NRDE2: variants seen among roughly 807,000 people sequenced by gnomAD.
NRDE2 encodes the protein nuclear exosome regulator NRDE2.
NRDE2 carries 76 observed loss-of-function variants against 124.2 expected under a neutral mutation model. That is an observed-to-expected ratio of 0.61 (90% CI 0.51 to 0.74). The LOEUF is 0.74. Ranked by LOEUF, NRDE2 falls within the 30% of genes least tolerant of loss-of-function variation. NRDE2 has a pLI of 0.00. For missense variants in NRDE2, 1,314 were observed against 1,417.3 expected (o/e 0.93, Z 1.17); for synonymous variants, 489 against 528.1 (o/e 0.93, Z 1.01).
At chr14:90,325,753 C>T (rs1885404940) in intron 1 of NRDE2, among the ~76,000 whole-genome samples, 1 of 152,140 alleles carries the variant, frequency 6.6e-6, no homozygotes, top group Non-Finnish European at 1.5e-5. Context: ...TCTCAAACTC[C>T]TAAGCTCATG....
At chr14:90,283,824 G>A (rs1892022988) in intron 12 of NRDE2, among the ~76,000 whole-genome samples, 1 of 150,892 alleles carries the variant, frequency 6.6e-6, no homozygotes, top group Non-Finnish European at 1.5e-5. Flanking sequence ...CGATTCTTCT[G>A]CCTCAGCCTC....
intron 1 of NRDE2, among the ~76,000 whole-genome samples, chr14:90,320,599 T>G (rs1283784900): frequency 6.6e-6 from 1 of 152,240 alleles, no homozygotes; most frequent in Non-Finnish European, 1.5e-5. Context: ...CAACAGGTAC[T>G]GTTTTAATCA....
chr14:90,327,260 T>C (rs530245177), intron 1 of NRDE2, among the ~76,000 whole-genome samples: 6 of 152,336 alleles, frequency 3.9e-5, no homozygotes, highest in South Asian at 2.1e-4. Context: ...ATAAAGATGA[T>C]TGGGTCAGGC....
chr14:90,307,011 ACTAACAG>A (rs1230998091), intron 4 of NRDE2, among the ~76,000 whole-genome samples: 1 of 152,196 alleles, frequency 6.6e-6, no homozygotes, highest in Non-Finnish European at 1.5e-5. Context: ...CTGACTTTAA[ACTAACAG>A]CTGCATTTTT....
rs2096689562 is a variant in NRDE2 at position 90,271,333 on chromosome 14, A to C, written c.*7003T>G. 6.6e-6 allele frequency: 1 copy of C among 152,106 alleles called. No individual in the cohort carries two copies. Among genetic ancestry groups the C allele is most frequent in the African/African-American group, 2.4e-5 (1 of 41,396 alleles). The allele number at this position is 152,106 out of a possible 1,614,324, so 9.4% of individuals were successfully genotyped here. On this transcript the variant is annotated 3_prime_UTR_variant, in exon 14 of 14. Coordinates refer to ENST00000354366, the MANE Select transcript of NRDE2 (RefSeq NM_017970.4). ...AGAAAACAATAACAGTAACCCACAT[A>C]ATATGTTTGTTTGCTGTCCTTCTCT...
At position 90,316,648 on chromosome 14, in the gene NRDE2, C is replaced by G. The variant is rs754783643; in HGVS notation, c.337G>C (p.Asp113His). 2 of 1,614,200 alleles carry G rather than the reference C, an allele frequency of 1.2e-6. No homozygotes were observed. Among genetic ancestry groups the G allele is most frequent in the East Asian group, 2.2e-5 (1 of 44,888 alleles). The change falls in exon 3 of 14, where the codon GAC becomes CAC. Residue 113 changes from aspartate to histidine, a missense_variant. By Grantham distance (81) the Asp-to-His change is moderately conservative (BLOSUM62 -1). Coordinates refer to ENST00000354366, the MANE Select transcript of NRDE2 (RefSeq NM_017970.4). ...GPSSSSRSET[D>H]TDSEKDKPSR... The stretch of plus-strand genomic sequence containing the variant: ...GGTTTGTCCTTTTCAGAATCGGTGT[C>G]TGTCTCAGACCTGCTGCTACTCGAC...
chr14:90,274,024 T>G lies in NRDE2; in HGVS notation c.*4312A>C, dbSNP rs781768186. The stretch of plus-strand genomic sequence containing the variant: ...GCAAAGTTCCTTTTGCCATGTAACA[T>G]TCACACGTTCCAGGGCTTAGGGTGT... On this transcript the variant is annotated 3_prime_UTR_variant, in exon 14 of 14. Transcript: ENST00000354366. 5 of 154,908 alleles carry G rather than the reference T, an allele frequency of 3.2e-5. No homozygotes were observed. The highest frequency in any genetic ancestry group is 6.5e-5 in the Admixed American group (1 of 15,298). The allele number at this position is 154,908 out of a possible 1,614,324, so 9.6% of individuals were successfully genotyped here. A position where few individuals can be genotyped will look rare whatever the true frequency, so the allele number is the denominator to read the frequency against.
At position 90,290,405 on chromosome 14, in the gene NRDE2, G is replaced by C. The variant is rs567282029; in HGVS notation, c.2045C>G (p.Pro682Arg). The change falls in exon 10 of 14, where the codon CCT becomes CGT. Residue 682 changes from proline (P) to arginine (R), a missense_variant. By Grantham distance (103) the Pro-to-Arg change is moderately radical. Coordinates refer to ENST00000354366, the MANE Select transcript of NRDE2 (RefSeq NM_017970.4). ...AACACAGCTAGCCCCAGAAAACAAA[G>C]GGTTGAAAAAAGTCAAGGGCTTTTC... ...YDEKPLTFFN[P>R]LFSGASCVGR... 5.9e-5 allele frequency: 95 copies of C among 1,613,988 alleles called. 1 individual carries two copies. In the South Asian group the frequency reaches 9.6e-4, roughly 16 times the overall value.
At position 90,305,827 on chromosome 14, in the gene NRDE2, GTAA is replaced by G. The variant is rs542996671; in HGVS notation, c.558-1448_558-1446del. Among the ~76,000 whole-genome samples, 23 of 152,334 alleles carry G rather than the reference GTAA, an allele frequency of 1.5e-4. No homozygotes were observed. In the South Asian group the frequency reaches 3.7e-3, roughly 25 times the overall value. ...CACGAGGAAACTTCTGGCGGTCAGA[GTAA>G]TATTTCACATTTTAACAGAGGTTCG... On this transcript the variant is annotated intron_variant, in intron 4 of 13. Coordinates refer to ENST00000354366, the MANE Select transcript of NRDE2 (RefSeq NM_017970.4).
chr14:90,294,285 G>A (rs757271723), intron 8 of NRDE2, among the ~76,000 whole-genome samples: 4 of 151,170 alleles, frequency 2.6e-5, no homozygotes, highest in Admixed American at 2.0e-4. Flanking sequence ...TGCAGCTGCC[G>A]TCTGCTGTAT....
rs754934864 is a variant in NRDE2 at position 90,278,497 on chromosome 14, G to T, written c.3370-36C>A. 1.9e-6 allele frequency: 3 copies of T among 1,610,164 alleles called. No individual in the cohort carries two copies. In the Admixed American group the frequency reaches 5.0e-5, roughly 27 times the overall value. On this transcript the variant is annotated intron_variant, in intron 13 of 13. Coordinates refer to ENST00000354366, the MANE Select transcript of NRDE2 (RefSeq NM_017970.4). ...GGCAGGAAGGCCGCCCCACTCAGCC[G>T]CCACTTCCTGTCAGCCTGGAGGAGC...
intron 4 of NRDE2, among the ~76,000 whole-genome samples, chr14:90,307,135 G>A (rs1301443938): frequency 6.6e-6 from 1 of 152,140 alleles, no homozygotes; most frequent in Non-Finnish European, 1.5e-5. Context: ...ATATATGTGT[G>A]TGCACATACA....
At position 90,268,655 on chromosome 14, in the gene NRDE2, G is replaced by A. The variant is rs1891581422; in HGVS notation, c.*9681C>T. ...TGTCTTGAGCACCCGCCCTGATCCA[G>A]GACCATCTGGACTCTAGGGACACAG... On this transcript the variant is annotated 3_prime_UTR_variant, in exon 14 of 14. Coordinates refer to ENST00000354366, the MANE Select transcript of NRDE2 (RefSeq NM_017970.4). 2.4e-6 allele frequency: 1 copy of A among 415,178 alleles called. No individual in the cohort carries two copies. The highest frequency in any genetic ancestry group is 4.3e-6 in the Non-Finnish European group (1 of 233,222). The allele number at this position is 415,178 out of a possible 1,614,324, so 25.7% of individuals were successfully genotyped here. A position where few individuals can be genotyped will look rare whatever the true frequency, so the allele number is the denominator to read the frequency against.
At chr14:90,307,123 A>G (rs1368146982) in intron 4 of NRDE2, among the ~76,000 whole-genome samples, 6 of 152,234 alleles carry the variant, frequency 3.9e-5, no homozygotes, top group Non-Finnish European at 8.8e-5. Context: ...TTCAGTATGT[A>G]TATATATGTG....
intron 8 of NRDE2, 103 bp from the exon 9 acceptor site, chr14:90,292,975 G>C: frequency 2.0e-6 from 2 of 1,013,766 alleles, no homozygotes; most frequent in Non-Finnish European, 3.0e-6. Context: ...GCAATGCCAA[G>C]ATGTGTAAGA....
intron 1 of NRDE2, among the ~76,000 whole-genome samples, chr14:90,330,957 G>T (rs1257557889): frequency 1.3e-5 from 2 of 151,546 alleles, no homozygotes; most frequent in African/African-American, 4.9e-5. Context: ...TAGAGACAAG[G>T]TCCCCCCACC....
intron 1 of NRDE2, among the ~76,000 whole-genome samples, chr14:90,328,729 A>C (rs1248258019): frequency 6.6e-6 from 1 of 152,260 alleles, no homozygotes; most frequent in East Asian, 1.9e-4. Context: ...ACCAGTTTAC[A>C]GGAAATACTG....
At chr14:90,319,796 A>G (rs1226268155) in intron 1 of NRDE2, among the ~76,000 whole-genome samples, 1 of 152,206 alleles carries the variant, frequency 6.6e-6, no homozygotes, top group Non-Finnish European at 1.5e-5. Flanking sequence ...ATATTCATGT[A>G]CAAGTTTTCA....
At position 90,270,127 on chromosome 14, in the gene NRDE2, T is replaced by G; in HGVS notation, c.*8209A>C. 6.5e-7 allele frequency: 1 copy of G among 1,544,144 alleles called. No homozygotes were observed. Among genetic ancestry groups the G allele is most frequent in the East Asian group, 2.3e-5 (1 of 44,060 alleles). On this transcript the variant is annotated 3_prime_UTR_variant, in exon 14 of 14. Transcript: ENST00000354366. ...AAACTTCGTATGTAAGGAGATGGGC[T>G]GAGGCCTCTGAGCCATGGCCGAGCC... is the stretch of plus-strand genomic sequence containing the variant.
Sources: gnomAD v4.1 joint callset for allele counts (sites outside exome capture counted in the v4.1 genomes callset) on GRCh38, gnomAD v4.1.1 for gene constraint, MANE v1.5 for transcripts, NCBI Gene and HGNC (gene_info 2026-07-23, HGNC 2026-07-21) for gene names.